The following ADCY7 variants were observed in gnomAD, a reference collection of about 807,000 sequenced individuals.
The protein encoded by ADCY7 is adenylate cyclase type 7.
ADCY7 carries 72 observed loss-of-function variants against 120.6 expected under a neutral mutation model. The observed-to-expected ratio is 0.60, with a 90% CI of 0.49 to 0.73. ADCY7 has a LOEUF of 0.73. Among genes scored for constraint, ADCY7 ranks in the 30% least tolerant of loss-of-function variants. The probability of loss-of-function intolerance (pLI) is 0.00; values close to 1 mark genes in which losing one functional copy is unlikely to be tolerated. For synonymous variants in ADCY7, 661 were observed against 628.0 expected (o/e 1.05, Z -0.78); for missense variants, 1,227 against 1,486.0 (o/e 0.83, Z 2.87).
rs57815436 is a variant in ADCY7 at position 50,249,445 on chromosome 16, AAACAACAAC to A, written c.-64+3263_-64+3271del. Among the ~76,000 whole-genome samples the A allele has an allele frequency of 4.0e-5, 6 of 150,164 alleles. 1 individual carries two copies. The highest frequency in any genetic ancestry group is 4.3e-4 in the South Asian group (2 of 4,672). On this transcript the variant is annotated intron_variant, in intron 1 of 4. Coordinates refer to the ADCY7 transcript ENST00000564044. ...GGGCGACAGAGCAAGACTCCGTCTA[AAACAACAAC>A]AACAACAACAACAACAACAAAACCA...
upstream of ADCY7, among the ~76,000 whole-genome samples, chr16:50,266,319 T>C (rs1276811795): frequency 6.6e-6 from 1 of 152,220 alleles, no homozygotes; most frequent in African/African-American, 2.4e-5. Flanking sequence ...TGTTTTATTA[T>C]TATTTTTTCA....
intron 4 of ADCY7, 57 bp downstream of exon 4, chr16:50,291,954 A>G (rs2035007194): frequency 6.5e-7 from 1 of 1,533,358 alleles, no homozygotes; most frequent in East Asian, 2.3e-5. Flanking sequence ...CTAAGGGCAG[A>G]TGGGGGGGCC....
chr16:50,291,156 G>A (rs571099462), intron 3 of ADCY7, among the ~76,000 whole-genome samples: 113 of 152,286 alleles, frequency 7.4e-4, no homozygotes, highest in African/African-American at 2.6e-3. Flanking sequence ...CATGGGCCCA[G>A]TCCCAGAGAG....
Position 50,290,575 on chromosome 16 carries a change from C to T in ADCY7, c.290C>T (p.Ala97Val), listed in dbSNP as rs771602857. 5.3e-5 allele frequency: 85 copies of T among 1,614,046 alleles called. No homozygotes were observed. Among genetic ancestry groups the T allele is most frequent in the Admixed American group, 1.3e-4 (8 of 60,002 alleles). ...CTGCGGCGCTGGCTCAGGGCCTTGG[C>T]GCTGCTCACCTGGGCCTGCTTGGTG... ...CLLRRWLRAL[A>V]LLTWACLVAL... The change falls in exon 3 of 26, where the codon GCG becomes GTG. Residue 97 changes from alanine to valine, a missense_variant. Coordinates refer to ENST00000673801, the MANE Select transcript of ADCY7 (RefSeq NM_001114.5).
intron 3 of ADCY7, 112 bp downstream of exon 3, chr16:50,290,772 A>G: frequency 8.2e-7 from 1 of 1,219,992 alleles, no homozygotes; most frequent in South Asian, 1.5e-5. Context: ...TGTGTCTAGG[A>G]TGGCCCCAGG....
chr16:50,281,073 TG>T (rs1462220429), intron 1 of ADCY7, among the ~76,000 whole-genome samples: 1 of 151,646 alleles, frequency 6.6e-6, no homozygotes, highest in African/African-American at 2.4e-5. Flanking sequence ...GGAGATGCGG[TG>T]GGGGGCCTGC....
chr16:50,288,014 T>A lies in ADCY7; in HGVS notation c.-166T>A. On this transcript the variant is annotated 5_prime_UTR_variant, in exon 2 of 26. Transcript: ENST00000673801. ...TGCCAGAGCTGTGCGGACCCCTTGT[T>A]GGCCATGGAGCAGCAGGCCCAGAGG... 1 of 721,010 alleles carries A rather than the reference T, an allele frequency of 1.4e-6. No homozygotes were observed. Among genetic ancestry groups the A allele is most frequent in the Non-Finnish European group, 2.2e-6 (1 of 460,900 alleles). The allele number at this position is 721,010 out of a possible 1,614,324, so 44.7% of individuals were successfully genotyped here.
Position 50,290,678 on chromosome 16 carries a change from C to T in ADCY7, c.375+18C>T. 2.5e-6 allele frequency: 4 copies of T among 1,605,032 alleles called. No individual in the cohort carries two copies. The highest frequency in any genetic ancestry group is 3.4e-6 in the Non-Finnish European group (4 of 1,173,946). Reference sequence around the variant, plus strand: ...GGGAGCAGGTAACAGGAACTCTGGACTCCCTGCCAGCTGCGCCTTCAGCAG... The same window carrying T: ...GGGAGCAGGTAACAGGAACTCTGGATTCCCTGCCAGCTGCGCCTTCAGCAG... On this transcript the variant is annotated intron_variant, in intron 3 of 25. Transcript: ENST00000673801.
rs374937488 is a variant in ADCY7, at chr16:50,302,357, G to A, written c.1368+1143G>A. Among the ~76,000 whole-genome samples the A allele has an allele frequency of 7.2e-5, 11 of 152,212 alleles. No individual in the cohort carries two copies. The East Asian group carries it at 2.1e-3, about 29-fold the overall frequency. On this transcript the variant is annotated intron_variant, in intron 10 of 25. Transcript: ENST00000673801. ...ATGCCCGGCTCGAAGCTAGTGCTCAGATAGCCCTTGAATGAGTGAAGCAGA... is the reference window on the plus strand; with the variant it reads ...ATGCCCGGCTCGAAGCTAGTGCTCAAATAGCCCTTGAATGAGTGAAGCAGA...
chr16:50,290,402 A>C lies in ADCY7; in HGVS notation c.172-55A>C. 3 of 1,595,528 alleles carry C rather than the reference A, an allele frequency of 1.9e-6. No individual in the cohort carries two copies. In the Admixed American group the frequency reaches 5.1e-5, roughly 27 times the overall value. On this transcript the variant is annotated intron_variant, in intron 2 of 25. Transcript: ENST00000673801. ...GCCGGCCCGGCAGGCTTTCTGGAGG[A>C]GGTGGCTCTGCACTGGGGAAAGCCG...
At chr16:50,298,215 C>T (rs1429497610) in intron 7 of ADCY7, among the ~76,000 whole-genome samples, 1 of 152,108 alleles carries the variant, frequency 6.6e-6, no homozygotes, top group Non-Finnish European at 1.5e-5. Context: ...TTGGTGTGTA[C>T]ACCTGTGACC....
At chr16:50,263,751 C>T (rs775794872), upstream of ADCY7, among the ~76,000 whole-genome samples, 14 of 151,900 alleles carry the variant, frequency 9.2e-5, no homozygotes, top group Non-Finnish European at 1.6e-4. Context: ...TCCCCACCTG[C>T]CATTCCCCTG....
upstream of ADCY7, among the ~76,000 whole-genome samples, chr16:50,265,880 C>A (rs1217431103): frequency 6.6e-6 from 1 of 152,212 alleles, no homozygotes; most frequent in Non-Finnish European, 1.5e-5. Flanking sequence ...CGCCACTGAG[C>A]GCCCCATGAT....
rs373403851 is a variant in ADCY7 at position 50,307,911 on chromosome 16, G to A, written c.1851-416G>A. Among the ~76,000 whole-genome samples the A allele has an allele frequency of 7.3e-5, 11 of 150,568 alleles. No homozygotes were observed. The South Asian group carries it at 1.9e-3, about 26-fold the overall frequency. ...CTCGGGAGGCTGAGGCAGGAGAATG[G>A]TGTGAACCTGGGAGGCGGAGGTTGC... On this transcript the variant is annotated intron_variant, in intron 15 of 25. Coordinates refer to ENST00000673801, the MANE Select transcript of ADCY7 (RefSeq NM_001114.5).
rs1160292913 is a variant in ADCY7 at position 50,292,682 on chromosome 16, G to GC, written c.546dup (p.Asn183GlnfsTer76). On this transcript the variant is annotated frameshift_variant, in exon 5 of 26. Coordinates refer to ENST00000673801, the MANE Select transcript of ADCY7 (RefSeq NM_001114.5). LOFTEE classifies it high-confidence loss of function. ...AACCCCTGTCTACCCGCAGCTGCTG[G>GC]CCAACGCAGTCATCTTCCTGTGTGG... 1 of 1,613,730 alleles carries GC rather than the reference G, an allele frequency of 6.2e-7. No individual in the cohort carries two copies. The highest frequency in any genetic ancestry group is 1.1e-5 in the South Asian group (1 of 91,056).
rs3815562 is a variant in ADCY7, at chr16:50,308,321, C to G, written c.1851-6C>G. The G allele has an allele frequency of 3.1e-4, 500 of 1,614,200 alleles. 10 individuals carry two copies. The East Asian group carries it at 0.011, about 36-fold the overall frequency. ...GGCAGAACTGAGGTTCTTCCCTCCT[C>G]TCCAGGACGGCGGCACTGGGTGTGT... On this transcript the variant is annotated splice_region_variant and splice_polypyrimidine_tract_variant and intron_variant, in intron 15 of 25. Transcript: ENST00000673801.
In ADCY7 at chr16:50,311,697, A is replaced by C; in HGVS notation, c.2359A>C (p.Thr787Pro). ...TGGGCCTCCCTTCGCATTCAGTGGC[A>C]CCCCTAGCTGTTCCTGGAAGGACCT... ...LTKPNGTTSG[T>P]PSCSWKDLKT... Residue 787 changes from threonine to proline, a missense_variant, in exon 20 of 26, where the codon ACC becomes CCC. Around this residue, in one of 5 missense-constraint regions of ADCY7, gnomAD observed 267 missense variants for 270.0 expected, o/e 0.99. Coordinates refer to ENST00000673801, the MANE Select transcript of ADCY7 (RefSeq NM_001114.5). The C allele has an allele frequency of 1.2e-6, 2 of 1,608,842 alleles. No homozygotes were observed. Among genetic ancestry groups the C allele is most frequent in the Non-Finnish European group, 1.7e-6 (2 of 1,178,390 alleles).
At chr16:50,312,651 G>A (rs2036551800) in intron 21 of ADCY7, among the ~76,000 whole-genome samples, 2 of 152,148 alleles carry the variant, frequency 1.3e-5, no homozygotes, top group South Asian at 4.2e-4. Context: ...ATGTGTACAT[G>A]GAAACACCCA....
At chr16:50,306,905 C>A in intron 14 of ADCY7, 145 bp from the exon 15 acceptor site, 1 of 634,780 alleles carries the variant, frequency 1.6e-6, no homozygotes, top group Non-Finnish European at 2.7e-6. Flanking sequence ...AGTGAACCTC[C>A]TTCCTCGGCT....
Sources: allele counts gnomAD v4.1 joint callset (sites outside exome capture counted in the v4.1 genomes callset), GRCh38; gene constraint gnomAD v4.1.1; regional missense constraint gnomAD v4.1.1; transcripts MANE v1.5; gene names NCBI Gene and HGNC (gene_info 2026-07-23, HGNC 2026-07-21).